Variants in PCSK6 observed in about 807,000 individuals in gnomAD.
The protein encoded by PCSK6 is paired basic amino acid cleaving enzyme 4.
Under a neutral mutation model 123.3 loss-of-function variants are expected in PCSK6, and 85 were observed. The ratio of observed to expected loss-of-function variants is 0.69; its 90% CI spans 0.58 to 0.83. The LOEUF (loss-of-function observed/expected upper bound fraction) is 0.83. PCSK6 is among the 40% of genes least tolerant of loss of function. The pLI is 0.00. For missense variants in PCSK6, 1,191 were observed against 1,282.3 expected (o/e 0.93, Z 1.09); for synonymous variants, 508 against 516.0 (o/e 0.98, Z 0.21).
chr15:101,310,043 C>T (rs927509143), intron 20 of PCSK6, among the ~76,000 whole-genome samples: 4 of 152,226 alleles, frequency 2.6e-5, no homozygotes, highest in African/African-American at 9.6e-5. Context: ...ACAGCAGCAG[C>T]GGACGGCCAC....
At chr15:101,350,821 AC>A (rs1268817743) in intron 13 of PCSK6, among the ~76,000 whole-genome samples, 1 of 152,168 alleles carries the variant, frequency 6.6e-6, no homozygotes, top group Non-Finnish European at 1.5e-5. Flanking sequence ...ACAACCCTCT[AC>A]CCGTTCAATT....
chr15:101,446,538 A>G (rs2056894481), intron 1 of PCSK6, among the ~76,000 whole-genome samples: 1 of 152,114 alleles, frequency 6.6e-6, no homozygotes, highest in Admixed American at 6.5e-5. Flanking sequence ...CTTGGAACAT[A>G]GCCACACCCA....
intron 1 of PCSK6, among the ~76,000 whole-genome samples, chr15:101,486,049 C>T (rs949514910): frequency 7.9e-5 from 12 of 151,148 alleles, no homozygotes; most frequent in Non-Finnish European, 4.4e-5. Context: ...CTGCAACCTC[C>T]GCCTCCCAGG....
intron 1 of PCSK6, among the ~76,000 whole-genome samples, chr15:101,467,284 T>G (rs2057486466): frequency 6.6e-6 from 1 of 151,984 alleles, no homozygotes; most frequent in Admixed American, 6.5e-5. Flanking sequence ...CTTTTTTTTT[T>G]TTTTTCAAGA....
At chr15:101,368,586 AC>A (rs1337761934) in intron 12 of PCSK6, among the ~76,000 whole-genome samples, 1 of 152,106 alleles carries the variant, frequency 6.6e-6, no homozygotes, top group Non-Finnish European at 1.5e-5. Flanking sequence ...TCTCAGCCTC[AC>A]CACAGGCTCT....
intron 2 of PCSK6, among the ~76,000 whole-genome samples, chr15:101,441,706 GGTCCCC>G (rs2056757788): frequency 6.6e-6 from 1 of 152,134 alleles, no homozygotes; most frequent in African/African-American, 2.4e-5. Context: ...AGAAATCCAC[GGTCCCC>G]GTCTCTTCTC....
chr15:101,480,003 T>C (rs1479670587), intron 1 of PCSK6, among the ~76,000 whole-genome samples: 2 of 152,228 alleles, frequency 1.3e-5, no homozygotes, highest in Non-Finnish European at 2.9e-5. Flanking sequence ...ACAGGAGATA[T>C]GTCTGAGAGT....
chr15:101,366,321 A>G lies in PCSK6; in HGVS notation c.1733T>C (p.Leu578Pro). The change falls in exon 13 of 22, where the codon CTT (leucine) becomes CCT (proline). Residue 578 changes from leucine (L) to proline (P), a missense_variant. Physicochemically the swap from Leu to Pro is moderately conservative, Grantham distance 98. Coordinates refer to ENST00000611716, the MANE Select transcript of PCSK6 (RefSeq NM_002570.5). Reference protein sequence around the residue: ...SQLLAKRLLDLSNEGFTNWEF... With the variant: ...SQLLAKRLLDPSNEGFTNWEF... The stretch of plus-strand genomic sequence containing the variant: ...CCAGTTTGTAAACCCTTCATTGGAA[A>G]GATCCAGCAACCTGCAATTGGAGGT... The G allele has an allele frequency of 6.2e-7, 1 of 1,612,178 alleles. No homozygotes were observed. The highest frequency in any genetic ancestry group is 1.1e-5 in the South Asian group (1 of 90,684).
chr15:101,331,572 C>A, intron 15 of PCSK6, 79 bp downstream of exon 15: 1 of 1,351,300 alleles, frequency 7.4e-7, no homozygotes, highest in Non-Finnish European at 1.0e-6. Context: ...GGGCAAGACC[C>A]CATTCTGGTT....
chr15:101,307,414 T>A (rs1365302424), intron 20 of PCSK6, 89 bp from the exon 21 acceptor site: 31 of 867,222 alleles, frequency 3.6e-5, no homozygotes, highest in Non-Finnish European at 5.4e-5. Flanking sequence ...TCCCTGCACC[T>A]CCTTCCCACC....
intron 19 of PCSK6, among the ~76,000 whole-genome samples, chr15:101,317,254 A>G (rs1429206386): frequency 1.3e-5 from 2 of 152,188 alleles, no homozygotes; most frequent in Admixed American, 6.5e-5. Context: ...GAAAAAGCTC[A>G]TATGATGTGA....
intron 1 of PCSK6, among the ~76,000 whole-genome samples, chr15:101,458,384 C>T (rs933555691): frequency 2.0e-5 from 3 of 152,122 alleles, no homozygotes; most frequent in African/African-American, 4.8e-5. Flanking sequence ...ACCCAAATGC[C>T]GTAGAGACCC....
chr15:101,360,226 G>A (rs1457146554), intron 13 of PCSK6, among the ~76,000 whole-genome samples: 5 of 152,064 alleles, frequency 3.3e-5, no homozygotes, highest in Non-Finnish European at 5.9e-5. Flanking sequence ...TGGCTTCCCC[G>A]CCTTTGTTCC....
At chr15:101,373,995 G>A (rs981848711) in intron 11 of PCSK6, among the ~76,000 whole-genome samples, 1 of 152,200 alleles carries the variant, frequency 6.6e-6, no homozygotes, top group African/African-American at 2.4e-5. Context: ...CATCTTCCGA[G>A]GACGCTAAGG....
chr15:101,401,762 G>T (rs1292034484), intron 6 of PCSK6, among the ~76,000 whole-genome samples: 1 of 152,204 alleles, frequency 6.6e-6, no homozygotes, highest in Non-Finnish European at 1.5e-5. Flanking sequence ...TGTGTTTGCT[G>T]CTAGTTTGAC....
chr15:101,484,732 T>C (rs909713283), intron 1 of PCSK6, among the ~76,000 whole-genome samples: 3 of 152,218 alleles, frequency 2.0e-5, no homozygotes, highest in Non-Finnish European at 4.4e-5. Flanking sequence ...TATGATCACA[T>C]TGGACACCTA....
At chr15:101,333,570 C>A (rs1314599183) in intron 13 of PCSK6, among the ~76,000 whole-genome samples, 1 of 152,254 alleles carries the variant, frequency 6.6e-6, no homozygotes, top group Admixed American at 6.5e-5. Flanking sequence ...TCAACACTTA[C>A]CTCTGCCCAT....
chr15:101,407,588 C>G (rs899590107), intron 6 of PCSK6, among the ~76,000 whole-genome samples: 1 of 152,244 alleles, frequency 6.6e-6, no homozygotes, highest in African/African-American at 2.4e-5. Flanking sequence ...AGGTGTCAGG[C>G]AGCTAGGGAC....
chr15:101,401,119 A>C (rs2042572746), intron 6 of PCSK6, among the ~76,000 whole-genome samples: 1 of 152,260 alleles, frequency 6.6e-6, no homozygotes, highest in African/African-American at 2.4e-5. Flanking sequence ...AAAAGCCTGG[A>C]ATTGTATTCA....
Sources: gnomAD v4.1 joint callset for allele counts (sites outside exome capture counted in the v4.1 genomes callset) on GRCh38, gnomAD v4.1.1 for gene constraint, MANE v1.5 for transcripts, NCBI Gene and HGNC (gene_info 2026-07-23, HGNC 2026-07-21) for gene names.